The following HS3ST3A1 variants were observed in gnomAD, a reference collection of about 807,000 sequenced individuals.
The protein encoded by HS3ST3A1 is heparan sulfate-glucosamine 3-sulfotransferase 3A1.
HS3ST3A1 carries 19 observed loss-of-function variants against 25.7 expected under a neutral mutation model. The observed-to-expected ratio is 0.74, with a 90% confidence interval of 0.52 to 1.08. HS3ST3A1 has a LOEUF of 1.08. Ranked by LOEUF, HS3ST3A1 falls within the 50% of genes least tolerant of loss-of-function variation. The probability of loss-of-function intolerance (pLI) is 0.00; values close to 1 mark genes in which losing one functional copy is unlikely to be tolerated. For synonymous variants in HS3ST3A1, 226 were observed against 278.6 expected (o/e 0.81, Z 1.88); for missense variants, 459 against 594.3 (o/e 0.77, Z 2.37).
intron 1 of HS3ST3A1, among the ~76,000 whole-genome samples, chr17:13,559,864 A>T (rs1160562742): frequency 6.6e-6 from 1 of 151,898 alleles, no homozygotes; most frequent in East Asian, 1.9e-4. Flanking sequence ...TTGTACAATT[A>T]ATATTTATTT....
At chr17:13,554,936 G>A (rs1907333068) in intron 1 of HS3ST3A1, among the ~76,000 whole-genome samples, 1 of 151,944 alleles carries the variant, frequency 6.6e-6, no homozygotes, top group South Asian at 2.1e-4. Context: ...CCTATGTCCT[G>A]GTGTGCCAAA....
intron 1 of HS3ST3A1, among the ~76,000 whole-genome samples, chr17:13,591,232 A>T (rs1469875389): frequency 6.6e-6 from 1 of 151,820 alleles, no homozygotes; most frequent in African/African-American, 2.4e-5. Flanking sequence ...TTTTGGGTAG[A>T]GACAGGGTTT....
intron 1 of HS3ST3A1, 109 bp from the exon 2 acceptor site, chr17:13,496,927 C>G (rs1379714996): frequency 6.9e-7 from 1 of 1,455,846 alleles, no homozygotes; most frequent in Non-Finnish European, 9.2e-7. Context: ...CCCGCAACCC[C>G]CCACTTGCTA....
At chr17:13,542,129 A>G (rs1166623508) in intron 1 of HS3ST3A1, among the ~76,000 whole-genome samples, 3 of 152,090 alleles carry the variant, frequency 2.0e-5, no homozygotes, top group East Asian at 1.9e-4. Context: ...GGAGTCTGAG[A>G]CCAGTCTGGC....
intron 1 of HS3ST3A1, among the ~76,000 whole-genome samples, chr17:13,534,052 C>T (rs893284267): frequency 1.9e-4 from 29 of 152,112 alleles, no homozygotes; most frequent in Admixed American, 6.5e-5. Context: ...GTTATGAAAC[C>T]ATAACCTGCA....
intron 1 of HS3ST3A1, among the ~76,000 whole-genome samples, chr17:13,508,927 G>A (rs906030832): frequency 1.2e-4 from 18 of 151,794 alleles, no homozygotes; most frequent in Middle Eastern, 6.8e-3. Flanking sequence ...CAAGCAAAAA[G>A]TAATATTTCC....
chr17:13,593,232 C>CAAAAAAAAAAA (rs1226882967), intron 1 of HS3ST3A1, among the ~76,000 whole-genome samples: 2 of 56,786 alleles, frequency 3.5e-5, no homozygotes, highest in African/African-American at 6.7e-5. Context: ...ATGTTTGTAG[C>CAAAAAAAAAAA]CAAAAAAAAA....
At chr17:13,542,517 C>A (rs1249325540) in intron 1 of HS3ST3A1, among the ~76,000 whole-genome samples, 3 of 151,866 alleles carry the variant, frequency 2.0e-5, no homozygotes, top group Non-Finnish European at 4.4e-5. Flanking sequence ...AGAGAACAAC[C>A]CTACCCATCC....
intron 1 of HS3ST3A1, among the ~76,000 whole-genome samples, chr17:13,600,066 C>G (rs1337691796): frequency 1.3e-5 from 2 of 152,162 alleles, no homozygotes; most frequent in Non-Finnish European, 2.9e-5. Context: ...GGACAACTAT[C>G]TGGCAAAAGG....
At chr17:13,598,642 G>C (rs1264700513) in intron 1 of HS3ST3A1, among the ~76,000 whole-genome samples, 1 of 152,060 alleles carries the variant, frequency 6.6e-6, no homozygotes, top group African/African-American at 2.4e-5. Flanking sequence ...AAAGGAAAGA[G>C]TGGCCTACAA....
chr17:13,557,140 G>T (rs1907404616), intron 1 of HS3ST3A1, among the ~76,000 whole-genome samples: 1 of 152,196 alleles, frequency 6.6e-6, no homozygotes, highest in Non-Finnish European at 1.5e-5. Flanking sequence ...TCATAAAAAT[G>T]AGCACGGGTC....
intron 1 of HS3ST3A1, among the ~76,000 whole-genome samples, chr17:13,591,879 C>T (rs1007596380): frequency 2.6e-5 from 4 of 152,002 alleles, no homozygotes; most frequent in African/African-American, 9.7e-5. Context: ...AGGCTGGTCT[C>T]GAACTCCTGC....
intron 1 of HS3ST3A1, among the ~76,000 whole-genome samples, chr17:13,512,659 C>T (rs1905915852): frequency 6.6e-6 from 1 of 152,150 alleles, no homozygotes; most frequent in African/African-American, 2.4e-5. Flanking sequence ...TTTCATAAAA[C>T]ATTTTTCACC....
intron 1 of HS3ST3A1, among the ~76,000 whole-genome samples, chr17:13,536,503 T>C (rs1164553615): frequency 6.6e-6 from 1 of 152,186 alleles, no homozygotes; most frequent in Non-Finnish European, 1.5e-5. Flanking sequence ...TGTCACATGG[T>C]TCCAAAAACA....
Position 13,575,891 on chromosome 17 carries a change from C to T in HS3ST3A1, c.599+24640G>A, listed in dbSNP as rs148520245. Among the ~76,000 whole-genome samples the T allele has an allele frequency of 5.6e-4, 86 of 152,312 alleles. 1 individual carries two copies. Among genetic ancestry groups the T allele is most frequent in the East Asian group, 2.7e-3 (14 of 5,186 alleles). ...TACCCTGCTGTGAACAGCATATTCA[C>T]GGCAAGTCTTTCTGGAAAGCAGATA... On this transcript the variant is annotated intron_variant, in intron 1 of 1. Transcript: ENST00000284110.
chr17:13,531,512 T>C (rs9889329), intron 1 of HS3ST3A1, among the ~76,000 whole-genome samples: 3,130 of 152,132 alleles, frequency 0.021, 116 homozygotes, highest in African/African-American at 0.071. Context: ...TAAACTTGAA[T>C]GGGAAAAAAT....
At chr17:13,577,745 C>T (rs570211795) in intron 1 of HS3ST3A1, among the ~76,000 whole-genome samples, 7 of 152,314 alleles carry the variant, frequency 4.6e-5, no homozygotes, top group African/African-American at 1.7e-4. Context: ...ACGGCTAGAT[C>T]CCTACTAGAA....
chr17:13,510,505 C>A (rs536106975), intron 1 of HS3ST3A1, among the ~76,000 whole-genome samples: 5 of 152,072 alleles, frequency 3.3e-5, no homozygotes, highest in Non-Finnish European at 5.9e-5. Flanking sequence ...TTTGTTCATT[C>A]GCTATTTTTC....
intron 1 of HS3ST3A1, among the ~76,000 whole-genome samples, chr17:13,549,610 A>G (rs894096238): frequency 1.3e-5 from 2 of 152,024 alleles, no homozygotes; most frequent in Non-Finnish European, 2.9e-5. Context: ...CACTAAGTCC[A>G]CTCATCCTCT....
Sources: gnomAD v4.1 joint callset for allele counts (sites outside exome capture counted in the v4.1 genomes callset) on GRCh38, gnomAD v4.1.1 for gene constraint, MANE v1.5 for transcripts, NCBI Gene and HGNC (gene_info 2026-07-23, HGNC 2026-07-21) for gene names.